The following MKX variants were observed in gnomAD, a reference collection of about 807,000 sequenced individuals.
MKX encodes the protein mohawk homeobox.
Under a neutral mutation model 36.0 loss-of-function variants are expected in MKX, and 13 were observed. That is an observed-to-expected ratio of 0.36 (90% CI 0.24 to 0.57). The LOEUF (loss-of-function observed/expected upper bound fraction) is 0.57, where lower values mean the gene tolerates loss of function less well. MKX is among the 20% of genes least tolerant of loss of function. The pLI, the probability that MKX is intolerant of heterozygous loss-of-function variation, is 0.79. For missense variants in MKX, 458 were observed against 456.4 expected, an observed-to-expected ratio of 1.00 and a Z score of -0.03; for synonymous variants, 176 against 178.3, an observed-to-expected ratio of 0.99 and a Z score of 0.10.
At chr10:27,734,893 TAAAG>T in intron 4 of MKX, 102 bp from the exon 5 acceptor site, 1 of 666,098 alleles carries the variant, frequency 1.5e-6, no homozygotes, top group Non-Finnish European at 2.2e-6. Context: ...GAAATATATT[TAAAG>T]TATATAAAAT....
At chr10:27,711,423 TCTTTTC>T (rs1419059246) in intron 5 of MKX, among the ~76,000 whole-genome samples, 3 of 143,232 alleles carry the variant, frequency 2.1e-5, no homozygotes, top group African/African-American at 8.0e-5. Flanking sequence ...TTTCTTTCTT[TCTTTTC>T]TCTTTCTTTC....
chr10:27,710,788 G>A lies in MKX; in HGVS notation c.838+23668C>T, dbSNP rs117306309. Among the ~76,000 whole-genome samples the A allele has an allele frequency of 4.6e-3, 699 of 152,248 alleles. 17 individuals carry two copies. The East Asian group carries it at 0.065, about 14-fold the overall frequency. The stretch of plus-strand genomic sequence containing the variant: ...ATTCTTGTGCCTCAGCCTCCAAGTA[G>A]CTGGGATTAGAGGCATGAGTCACTA... On this transcript the variant is annotated intron_variant, in intron 5 of 6. Coordinates refer to ENST00000419761, the MANE Select transcript of MKX (RefSeq NM_173576.3).
At chr10:27,713,401 T>A (rs1836907364) in intron 5 of MKX, among the ~76,000 whole-genome samples, 1 of 152,226 alleles carries the variant, frequency 6.6e-6, no homozygotes, top group Admixed American at 6.5e-5. Flanking sequence ...GCAGTCCATG[T>A]ACAAAAGGAA....
chr10:27,673,460 T>A lies in MKX; in HGVS notation c.*1769A>T, dbSNP rs1196145044. On this transcript the variant is annotated 3_prime_UTR_variant, in exon 7 of 7. Transcript: ENST00000419761. ...TTGTCTTTAGTTTTCATTGACATGCTCACATTTTGGCATTTTTGTATTGTT... is the reference window on the plus strand; with the variant it reads ...TTGTCTTTAGTTTTCATTGACATGCACACATTTTGGCATTTTTGTATTGTT... 1 of 152,604 alleles carries A rather than the reference T, an allele frequency of 6.6e-6. No individual in the cohort carries two copies. The highest frequency in any genetic ancestry group is 1.5e-5 in the Non-Finnish European group (1 of 68,008). 9.5% of individuals were successfully genotyped at this position (152,604 alleles called of 1,614,324 possible).
At chr10:27,725,374 G>GA (rs1490762280) in intron 5 of MKX, among the ~76,000 whole-genome samples, 1 of 152,060 alleles carries the variant, frequency 6.6e-6, no homozygotes, top group African/African-American at 2.4e-5. Flanking sequence ...CATTTAAACT[G>GA]AAAACTGAGA....
intron 5 of MKX, among the ~76,000 whole-genome samples, chr10:27,683,189 C>A (rs902608529): frequency 1.3e-5 from 2 of 152,134 alleles, no homozygotes; most frequent in Non-Finnish European, 2.9e-5. Context: ...TGGACCACTA[C>A]CGGTCCGTGG....
intron 5 of MKX, among the ~76,000 whole-genome samples, chr10:27,725,045 C>T (rs1477003387): frequency 6.6e-6 from 1 of 152,076 alleles, no homozygotes; most frequent in Non-Finnish European, 1.5e-5. Flanking sequence ...AAGTAAAAGT[C>T]ATTTAAGTAC....
intron 3 of MKX, among the ~76,000 whole-genome samples, chr10:27,739,699 T>C (rs1014938804): frequency 6.6e-5 from 10 of 152,178 alleles, no homozygotes; most frequent in Non-Finnish European, 1.3e-4. Flanking sequence ...TCCTAAAATA[T>C]GTCATCAATG....
rs944580795 is a variant in MKX, at chr10:27,742,526, C to T, written c.188+702G>A. ...GGCTAGGACGGCCGCCCCTCCCCGG[C>T]GGGGCGCCCGGGGAGCCGCCGGATC... is the stretch of plus-strand genomic sequence containing the variant. On this transcript the variant is annotated intron_variant, in intron 2 of 6. Coordinates refer to ENST00000419761, the MANE Select transcript of MKX (RefSeq NM_173576.3). The surrounding 1 kb of genome is among the most constrained non-coding windows in gnomAD (Gnocchi z 4.2). Among the ~76,000 whole-genome samples, 23 of 152,048 alleles carry T rather than the reference C, an allele frequency of 1.5e-4. No individual in the cohort carries two copies. The highest frequency in any genetic ancestry group is 5.6e-4 in the African/African-American group (23 of 41,424).
At chr10:27,740,099 T>C (rs1834860823) in intron 3 of MKX, among the ~76,000 whole-genome samples, 1 of 152,238 alleles carries the variant, frequency 6.6e-6, no homozygotes, top group South Asian at 2.1e-4. Context: ...AATTATATTC[T>C]GAAAATAAGC....
At chr10:27,743,545 G>A (rs546465144) in intron 1 of MKX, 48 bp from the exon 2 acceptor site, 1 of 1,021,564 alleles carries the variant, frequency 9.8e-7, no homozygotes. Context: ...AGAGTGCTCA[G>A]ACCCCTGCAG....
At chr10:27,686,702 C>G (rs1283450045) in intron 5 of MKX, among the ~76,000 whole-genome samples, 1 of 152,144 alleles carries the variant, frequency 6.6e-6, no homozygotes, top group Non-Finnish European at 1.5e-5. Context: ...GTCTCAAACT[C>G]TCAACCTCAG....
chr10:27,711,882 C>T (rs1191310120), intron 5 of MKX, among the ~76,000 whole-genome samples: 1 of 151,862 alleles, frequency 6.6e-6, no homozygotes, highest in Admixed American at 6.6e-5. Context: ...TCATCCTTCA[C>T]TTTTTCTTAT....
chr10:27,709,547 C>A (rs1836816987), intron 5 of MKX, among the ~76,000 whole-genome samples: 1 of 152,134 alleles, frequency 6.6e-6, no homozygotes, highest in Admixed American at 6.5e-5. Flanking sequence ...GTAACAATAG[C>A]AAAACAAGGG....
At chr10:27,727,819 A>T (rs1834524892) in intron 5 of MKX, among the ~76,000 whole-genome samples, 1 of 152,232 alleles carries the variant, frequency 6.6e-6, no homozygotes, top group African/African-American at 2.4e-5. Flanking sequence ...TATAAGAAAT[A>T]CAAGGAAGAG....
intron 5 of MKX, among the ~76,000 whole-genome samples, chr10:27,711,752 C>CT (rs78057670): frequency 0.045 from 6,289 of 138,646 alleles, 456 homozygotes; most frequent in African/African-American, 0.15. Context: ...TTTTAAAACT[C>CT]TTTTTTTTTT....
chr10:27,718,576 T>G (rs2132609505), intron 5 of MKX: 1 of 446,248 alleles, frequency 2.2e-6, no homozygotes, highest in Admixed American at 2.4e-5. Context: ...GAGTCCTCAC[T>G]CAAAGAACCT....
chr10:27,728,027 C>G (rs759641524), intron 5 of MKX, among the ~76,000 whole-genome samples: 9 of 152,144 alleles, frequency 5.9e-5, no homozygotes, highest in Non-Finnish European at 1.2e-4. Flanking sequence ...ATTGGACAAC[C>G]TTTCAAATAT....
intron 5 of MKX, among the ~76,000 whole-genome samples, chr10:27,731,655 T>TAAAA (rs55866062): frequency 6.7e-6 from 1 of 149,986 alleles, no homozygotes. Flanking sequence ...CTTGCATAAC[T>TAAAA]AAAAAAAAAA....
Sources: gnomAD v4.1 joint callset for allele counts (sites outside exome capture counted in the v4.1 genomes callset) on GRCh38, gnomAD v4.1.1 for gene constraint, Gnocchi (gnomAD v3.1) non-coding constraint, MANE v1.5 for transcripts, NCBI Gene and HGNC (gene_info 2026-07-23, HGNC 2026-07-21) for gene names.